The following GAS2 variants were observed in gnomAD, a reference collection of about 807,000 sequenced individuals.
GAS2 encodes growth arrest-specific protein 2.
In GAS2, 20 loss-of-function variants were observed where a neutral mutation model predicts 37.5. That is an observed-to-expected ratio of 0.53 (90% CI 0.37 to 0.77). The LOEUF is 0.77. GAS2 is among the 30% of genes least tolerant of loss of function. The pLI is 0.00. For missense variants in GAS2, 336 were observed against 373.4 expected (o/e 0.90, Z 0.82); for synonymous variants, 144 against 132.2 (o/e 1.09, Z -0.61).
At chr11:22,692,798 C>G (rs963571899) in intron 3 of GAS2, among the ~76,000 whole-genome samples, 11 of 152,006 alleles carry the variant, frequency 7.2e-5, no homozygotes, top group Admixed American at 2.0e-4. Context: ...AAAATATGGC[C>G]CAGTGGATCA....
At chr11:22,697,263 G>A (rs865940746) in intron 3 of GAS2, among the ~76,000 whole-genome samples, 1,545 of 151,820 alleles carry the variant, frequency 0.01, 31 homozygotes, top group African/African-American at 0.035. Flanking sequence ...TAGATAAGTG[G>A]CGTTATTTCT....
intron 4 of GAS2, among the ~76,000 whole-genome samples, chr11:22,734,899 C>A (rs1439051704): frequency 6.6e-6 from 1 of 151,716 alleles, no homozygotes; most frequent in Non-Finnish European, 1.5e-5. Flanking sequence ...CCAAAGTCAC[C>A]TTTTTAGTAT....
At chr11:22,785,372 T>C (rs1003475061) in intron 7 of GAS2, among the ~76,000 whole-genome samples, 6 of 152,154 alleles carry the variant, frequency 3.9e-5, no homozygotes, top group African/African-American at 1.4e-4. Flanking sequence ...CTCTGTTGCA[T>C]TGTCCTCATT....
chr11:22,645,142 A>G (rs1425164728), intron 1 of GAS2, among the ~76,000 whole-genome samples: 1 of 152,174 alleles, frequency 6.6e-6, no homozygotes, highest in Non-Finnish European at 1.5e-5. Flanking sequence ...AGAGTTTAGA[A>G]CAAGTCTAAA....
chr11:22,796,088 T>C (rs1300177065), intron 7 of GAS2, among the ~76,000 whole-genome samples: 1 of 152,190 alleles, frequency 6.6e-6, no homozygotes, highest in Non-Finnish European at 1.5e-5. Context: ...ATCCTCTGGC[T>C]GAGTCATCTG....
At chr11:22,642,107 C>G (rs1281191723) in intron 1 of GAS2, among the ~76,000 whole-genome samples, 1 of 151,808 alleles carries the variant, frequency 6.6e-6, no homozygotes, top group Non-Finnish European at 1.5e-5. Context: ...TTTTGAAGCA[C>G]AAGAATGATA....
At position 22,666,909 on chromosome 11, in the gene GAS2, ACTGG is replaced by A. The variant is rs1205564686; in HGVS notation, c.-21+16_-21+19del. ...AGCTCGGGACGCGGGGGTGAGCACG[ACTGG>A]CTGGCCCAGTTCTGCGCCAACGCCG... is the stretch of plus-strand genomic sequence containing the variant. On this transcript the variant is annotated intron_variant, in intron 1 of 7. Transcript: ENST00000454584. The A allele has an allele frequency of 6.6e-6, 1 of 152,290 alleles. No individual in the cohort carries two copies. Among genetic ancestry groups the A allele is most frequent in the Non-Finnish European group, 1.5e-5 (1 of 68,150 alleles). The allele number at this position is 152,290 out of a possible 1,614,324, so 9.4% of individuals were successfully genotyped here. A position where few individuals can be genotyped will look rare whatever the true frequency, so the allele number is the denominator to read the frequency against.
chr11:22,711,241 T>A (rs938933906), intron 3 of GAS2, among the ~76,000 whole-genome samples: 1 of 152,172 alleles, frequency 6.6e-6, no homozygotes, highest in African/African-American at 2.4e-5. Context: ...TTAACTTTAC[T>A]TAGAGCCAAA....
chr11:22,680,378 C>T (rs1849621546), intron 2 of GAS2, among the ~76,000 whole-genome samples: 1 of 152,040 alleles, frequency 6.6e-6, no homozygotes, highest in African/African-American at 2.4e-5. Flanking sequence ...AGGTGCTGGT[C>T]TAGGGATTTT....
rs1471139959 is a variant in GAS2 at position 22,656,576 on chromosome 11, G to T, written c.-20-18274G>T. Among the ~76,000 whole-genome samples, 3 of 152,126 alleles carry T rather than the reference G, an allele frequency of 2.0e-5. No homozygotes were observed. The South Asian group carries it at 6.2e-4, about 31-fold the overall frequency. On this transcript the variant is annotated intron_variant, in intron 1 of 5. Coordinates refer to the GAS2 transcript ENST00000528582. Reference sequence around the variant, plus strand: ...CTTAAGAAAAACTTAAAAGCATCTAGAAGTAAACAGTTTGCTTTCACGAGT... The same window carrying T: ...CTTAAGAAAAACTTAAAAGCATCTATAAGTAAACAGTTTGCTTTCACGAGT...
At chr11:22,691,820 A>G (rs1850258844) in intron 3 of GAS2, among the ~76,000 whole-genome samples, 1 of 152,172 alleles carries the variant, frequency 6.6e-6, no homozygotes, top group Non-Finnish European at 1.5e-5. Context: ...TAATTTTTTT[A>G]TTTACTTTGT....
intron 1 of GAS2, among the ~76,000 whole-genome samples, chr11:22,637,265 T>G (rs1858841594): frequency 1.2e-5 from 1 of 85,044 alleles, no homozygotes; most frequent in Non-Finnish European, 2.1e-5. Flanking sequence ...ACTAATATAT[T>G]AATTATATTA....
intron 1 of GAS2, among the ~76,000 whole-genome samples, chr11:22,630,662 G>T (rs939349786): frequency 2.6e-5 from 4 of 152,210 alleles, no homozygotes; most frequent in African/African-American, 7.2e-5. Context: ...TCAGTTGATT[G>T]TAAGTATTTG....
intron 3 of GAS2, among the ~76,000 whole-genome samples, chr11:22,696,127 G>A (rs965983128): frequency 3.8e-5 from 5 of 132,672 alleles, no homozygotes; most frequent in Non-Finnish European, 7.7e-5. Flanking sequence ...AGAGTGTGAT[G>A]TTCCCCTTCC....
intron 7 of GAS2, among the ~76,000 whole-genome samples, chr11:22,765,776 C>CA (rs67856426): frequency 0.28 from 39,569 of 140,902 alleles, 5,651 homozygotes; most frequent in African/African-American, 0.39. Context: ...GAGACTCTGT[C>CA]AAAAAAAAAA....
intron 2 of GAS2, 75 bp downstream of exon 2, chr11:22,675,089 A>C: frequency 7.0e-7 from 1 of 1,433,856 alleles, no homozygotes; most frequent in South Asian, 1.3e-5. Context: ...AGTGTCCTTC[A>C]CCTAAGCATG....
chr11:22,735,873 A>G (rs918084629), intron 4 of GAS2, among the ~76,000 whole-genome samples: 1 of 151,876 alleles, frequency 6.6e-6, no homozygotes, highest in East Asian at 1.9e-4. Context: ...TCTTGATGCT[A>G]TAGCCACTGC....
rs1339399057 is a variant in GAS2 at position 22,749,338 on chromosome 11, A to G, written c.615+77A>G. On this transcript the variant is annotated intron_variant, in intron 6 of 7. Coordinates refer to ENST00000454584, the MANE Select transcript of GAS2 (RefSeq NM_001143830.3). ...CAAAACATATTCTGTGCAATCTCGT[A>G]TCAGTCTAATCTTTACCTATATCAA... 3.8e-6 allele frequency: 5 copies of G among 1,303,884 alleles called. No homozygotes were observed. The Admixed American group carries it at 9.0e-5, about 23-fold the overall frequency. 80.8% of individuals were successfully genotyped at this position (1,303,884 alleles called of 1,614,324 possible). A position where few individuals can be genotyped will look rare whatever the true frequency, so the allele number is the denominator to read the frequency against.
upstream of GAS2, among the ~76,000 whole-genome samples, chr11:22,661,866 T>A (rs1848920947): frequency 6.6e-6 from 1 of 152,186 alleles, no homozygotes; most frequent in African/African-American, 2.4e-5. Flanking sequence ...CAGATTTTTT[T>A]AAAACTGTAG....
Sources: allele counts gnomAD v4.1 joint callset (sites outside exome capture counted in the v4.1 genomes callset), GRCh38; gene constraint gnomAD v4.1.1; transcripts MANE v1.5; gene names NCBI Gene and HGNC (gene_info 2026-07-23, HGNC 2026-07-21).